CDK17: variants seen among roughly 807,000 people sequenced by gnomAD.
The protein encoded by CDK17 is cyclin-dependent kinase 17.
Under a neutral mutation model 77.6 loss-of-function variants are expected in CDK17, and 24 were observed. The observed-to-expected ratio is 0.31, with a 90% CI of 0.22 to 0.44. The LOEUF (loss-of-function observed/expected upper bound fraction) is 0.44. CDK17 is among the 20% of genes least tolerant of loss of function. The pLI, the probability that CDK17 is intolerant of heterozygous loss-of-function variation, is 1.00. For synonymous variants in CDK17, 203 were observed against 210.4 expected (o/e 0.96, Z 0.30); for missense variants, 429 against 622.5 (o/e 0.69, Z 3.31).
intron 1 of CDK17, among the ~76,000 whole-genome samples, chr12:96,337,869 ACT>A (rs936614542): frequency 6.6e-6 from 1 of 152,032 alleles, no homozygotes; most frequent in African/African-American, 2.4e-5. Flanking sequence ...GGGTACTCTA[ACT>A]CTGCACATTC....
chr12:96,389,621 C>A (rs1348428057), intron 1 of CDK17, among the ~76,000 whole-genome samples: 1 of 152,140 alleles, frequency 6.6e-6, no homozygotes, highest in Non-Finnish European at 1.5e-5. Context: ...AAACCATGAT[C>A]TCAAAAGCTC....
chr12:96,280,195 A>AT lies in CDK17; in HGVS notation c.*46dup. 1 of 1,542,280 alleles carries AT rather than the reference A, an allele frequency of 6.5e-7. No individual in the cohort carries two copies. The highest frequency in any genetic ancestry group is 8.8e-7 in the Non-Finnish European group (1 of 1,141,572). On this transcript the variant is annotated 3_prime_UTR_variant, in exon 17 of 17. Transcript: ENST00000261211. The stretch of plus-strand genomic sequence containing the variant: ...AATTGCCTTCAGTTCTGAGTCCTTG[A>AT]TTGGTAAGAAAGGCTGGGGGCTGGG...
chr12:96,291,361 G>A (rs1952321831), intron 10 of CDK17, among the ~76,000 whole-genome samples: 1 of 152,004 alleles, frequency 6.6e-6, no homozygotes, highest in Admixed American at 6.6e-5. Context: ...GCTTGATCAT[G>A]ACTCGCTGAA....
At chr12:96,315,170 A>G (rs1952694335) in intron 3 of CDK17, among the ~76,000 whole-genome samples, 1 of 152,244 alleles carries the variant, frequency 6.6e-6, no homozygotes, top group South Asian at 2.1e-4. Context: ...AGACAATTGT[A>G]TTTTATAAGT....
At chr12:96,370,884 G>T (rs1013112569) in intron 1 of CDK17, among the ~76,000 whole-genome samples, 1 of 151,680 alleles carries the variant, frequency 6.6e-6, no homozygotes, top group Non-Finnish European at 1.5e-5. Flanking sequence ...TTCTGTTTTC[G>T]TATCATTTCT....
In CDK17 at chr12:96,308,731, A is replaced by AAATAATAATAATAATAATAATAAT. The variant is rs34304107; in HGVS notation, c.543+2297_543+2320dup. 1.2e-3 allele frequency among the ~76,000 whole-genome samples: 164 copies of AAATAATAATAATAATAATAATAAT among 132,566 alleles called. 1 individual carries two copies. The highest frequency in any genetic ancestry group is 3.2e-3 in the South Asian group (12 of 3,748). 87.0% of individuals were successfully genotyped at this position (132,566 alleles called of 152,430 possible). ...TGACAGAGCAGGACTCCGTCTCCAA[A>AAATAATAATAATAATAATAATAAT]AATAATAATAATAATAATAATAATA... On this transcript the variant is annotated intron_variant, in intron 5 of 16. Coordinates refer to ENST00000261211, the MANE Select transcript of CDK17 (RefSeq NM_002595.5).
At chr12:96,381,566 A>G (rs1449634436) in intron 1 of CDK17, among the ~76,000 whole-genome samples, 1 of 152,074 alleles carries the variant, frequency 6.6e-6, no homozygotes, top group Non-Finnish European at 1.5e-5. Flanking sequence ...TTCCTCCCAT[A>G]AACTCTACTA....
chr12:96,291,288 T>C (rs896051006), intron 10 of CDK17, among the ~76,000 whole-genome samples: 2 of 152,118 alleles, frequency 1.3e-5, no homozygotes, highest in African/African-American at 2.4e-5. Flanking sequence ...AAAGTAGTTG[T>C]TGTTTTTTTC....
chr12:96,356,041 C>G (rs901850989), intron 1 of CDK17, among the ~76,000 whole-genome samples: 1 of 152,142 alleles, frequency 6.6e-6, no homozygotes, highest in African/African-American at 2.4e-5. Context: ...CATTCACACA[C>G]AGGCCCTATC....
chr12:96,381,237 C>T lies in CDK17; in HGVS notation c.-30+18749G>A, dbSNP rs566434395. On this transcript the variant is annotated intron_variant, in intron 1 of 16. Coordinates refer to ENST00000261211, the MANE Select transcript of CDK17 (RefSeq NM_002595.5). ...ATCCATATAGATAACATTTCAAGGG[C>T]GATACCTTGTTGGTTTTGACTGGAT... 1.2e-4 allele frequency among the ~76,000 whole-genome samples: 18 copies of T among 152,188 alleles called. No individual in the cohort carries two copies. In the South Asian group the frequency reaches 1.7e-3, roughly 14 times the overall value.
intron 1 of CDK17, among the ~76,000 whole-genome samples, chr12:96,376,947 A>G (rs1222444060): frequency 6.6e-6 from 1 of 152,230 alleles, no homozygotes. Context: ...CAGTGAAAAG[A>G]AACTCTAAAG....
intron 16 of CDK17, 80 bp from the exon 17 acceptor site, chr12:96,280,359 A>C: frequency 6.5e-7 from 1 of 1,527,518 alleles, no homozygotes; most frequent in South Asian, 1.3e-5. Flanking sequence ...CTAGGAAGCT[A>C]ATGTTCCCAC....
At chr12:96,312,727 C>T (rs1952659858) in intron 4 of CDK17, among the ~76,000 whole-genome samples, 1 of 152,074 alleles carries the variant, frequency 6.6e-6, no homozygotes, top group Non-Finnish European at 1.5e-5. Context: ...TCACGATCAA[C>T]TTATGTCCTC....
At chr12:96,327,193 G>A (rs994362692) in intron 2 of CDK17, among the ~76,000 whole-genome samples, 12 of 152,156 alleles carry the variant, frequency 7.9e-5, no homozygotes, top group African/African-American at 2.7e-4. Context: ...CAATGGTGGG[G>A]GGATTGGGAG....
chr12:96,282,459 C>T (rs755355257), intron 15 of CDK17, 50 bp downstream of exon 15: 80 of 1,269,236 alleles, frequency 6.3e-5, no homozygotes, highest in Non-Finnish European at 7.6e-5. Context: ...AGACCCTAAC[C>T]TTGGACAAAT....
chr12:96,395,385 A>C (rs1954152098), intron 1 of CDK17, among the ~76,000 whole-genome samples: 1 of 152,158 alleles, frequency 6.6e-6, no homozygotes, highest in Non-Finnish European at 1.5e-5. Context: ...TCTCATCCTC[A>C]TGGAGACAGT....
intron 2 of CDK17, among the ~76,000 whole-genome samples, chr12:96,330,578 G>A (rs146772659): frequency 3.6e-4 from 55 of 152,190 alleles, no homozygotes; most frequent in African/African-American, 1.3e-3. Context: ...TTGTCTCTAT[G>A]GATTTACCTA....
At chr12:96,387,708 G>A (rs530791273) in intron 1 of CDK17, among the ~76,000 whole-genome samples, 5 of 152,278 alleles carry the variant, frequency 3.3e-5, no homozygotes, top group East Asian at 1.9e-4. Flanking sequence ...TCGGGAGGCC[G>A]AGGCTCGAGA....
chr12:96,342,959 G>T (rs1044051798), intron 1 of CDK17, among the ~76,000 whole-genome samples: 1 of 121,342 alleles, frequency 8.2e-6, no homozygotes, highest in African/African-American at 3.7e-5. Flanking sequence ...GAGAAACTCT[G>T]TCTTAAAAAA....
Sources: gnomAD v4.1 joint callset for allele counts (sites outside exome capture counted in the v4.1 genomes callset) on GRCh38, gnomAD v4.1.1 for gene constraint, MANE v1.5 for transcripts, NCBI Gene and HGNC (gene_info 2026-07-23, HGNC 2026-07-21) for gene names.